Variants in NRDC observed in about 807,000 individuals in gnomAD.
The protein encoded by NRDC is nardilysin convertase, also known as nardilysin.
NRDC carries 54 observed loss-of-function variants against 147.1 expected under a neutral mutation model. The observed-to-expected ratio is 0.37, with a 90% CI of 0.29 to 0.46. The LOEUF (loss-of-function observed/expected upper bound fraction) is 0.46. Among genes scored for constraint, NRDC ranks in the 20% least tolerant of loss-of-function variants. The probability of loss-of-function intolerance (pLI) is 1.00; values close to 1 mark genes in which losing one functional copy is unlikely to be tolerated. For synonymous variants in NRDC, 440 were observed against 482.1 expected (o/e 0.91, Z 1.14); for missense variants, 1,082 against 1,370.6 (o/e 0.79, Z 3.33).
intron 3 of NRDC, among the ~76,000 whole-genome samples, chr1:51,834,927 A>G (rs1036624462): frequency 1.3e-5 from 2 of 152,224 alleles, no homozygotes; most frequent in African/African-American, 4.8e-5. Context: ...GCTACTATAA[A>G]AATTCACAAA....
chr1:51,870,344 C>G (rs1436820549), intron 1 of NRDC, among the ~76,000 whole-genome samples: 1 of 152,204 alleles, frequency 6.6e-6, no homozygotes, highest in Admixed American at 6.5e-5. Flanking sequence ...ACAATTATAA[C>G]TGACTCTTAA....
chr1:51,850,630 T>C (rs1490976871), intron 1 of NRDC, among the ~76,000 whole-genome samples: 1 of 152,242 alleles, frequency 6.6e-6, no homozygotes, highest in African/African-American at 2.4e-5. Flanking sequence ...GAACGTTTGC[T>C]TCCCTACAGA....
intron 4 of NRDC, among the ~76,000 whole-genome samples, chr1:51,832,219 G>A (rs1195310374): frequency 4.6e-5 from 7 of 151,700 alleles, no homozygotes; most frequent in Non-Finnish European, 1.0e-4. Context: ...GCTAATTTTT[G>A]TGTTTTTAGT....
At chr1:51,860,168 C>T (rs1429101932) in intron 1 of NRDC, 2 of 159,280 alleles carry the variant, frequency 1.3e-5, no homozygotes, top group Non-Finnish European at 2.9e-5. Context: ...TTATTTTATT[C>T]ATACAAGATT....
chr1:51,869,919 A>AT (rs1326028729), intron 1 of NRDC, among the ~76,000 whole-genome samples: 4 of 152,140 alleles, frequency 2.6e-5, no homozygotes, highest in Non-Finnish European at 5.9e-5. Flanking sequence ...ACTTAAAAAA[A>AT]TTTTTTTAAG....
At chr1:51,841,650 A>T (rs1681272025) in intron 1 of NRDC, among the ~76,000 whole-genome samples, 1 of 152,206 alleles carries the variant, frequency 6.6e-6, no homozygotes, top group African/African-American at 2.4e-5. Flanking sequence ...ATAAACATTT[A>T]TTTAGCACCC....
chr1:51,848,251 G>A (rs556968501), intron 1 of NRDC, among the ~76,000 whole-genome samples: 24 of 152,266 alleles, frequency 1.6e-4, no homozygotes, highest in Middle Eastern at 3.4e-3. Flanking sequence ...CAAGGCGGGC[G>A]GATCACAAGG....
chr1:51,851,521 G>A (rs998387974), intron 1 of NRDC, among the ~76,000 whole-genome samples: 1 of 150,838 alleles, frequency 6.6e-6, no homozygotes, highest in Admixed American at 6.6e-5. Context: ...TGCAGAATTG[G>A]GCCATTTTTA....
chr1:51,810,084 T>A (rs952757850), intron 16 of NRDC, among the ~76,000 whole-genome samples, 197 bp downstream of exon 16: 1 of 152,152 alleles, frequency 6.6e-6, no homozygotes, highest in Non-Finnish European at 1.5e-5. Flanking sequence ...GATAACAGAA[T>A]TTTTTCACTA....
At chr1:51,875,733 G>T (rs985480868) in intron 1 of NRDC, among the ~76,000 whole-genome samples, 1 of 142,282 alleles carries the variant, frequency 7.0e-6, no homozygotes, top group Non-Finnish European at 1.6e-5. Flanking sequence ...AATTTTTTGT[G>T]TGTAGAGACA....
chr1:51,870,156 T>C lies in NRDC; in HGVS notation c.341+8119A>G, dbSNP rs891827799. Among the ~76,000 whole-genome samples the C allele has an allele frequency of 1.8e-4, 28 of 152,214 alleles. 1 individual carries two copies. The highest frequency in any genetic ancestry group is 6.8e-4 in the African/African-American group (28 of 41,456). On this transcript the variant is annotated intron_variant, in intron 1 of 30. Coordinates refer to ENST00000352171, the MANE Select transcript of NRDC (RefSeq NM_001101662.2). ...ACATTCATACATTCTACAAATATTATTTGAGAACCTAAAATGTACTGGACC... is the reference window on the plus strand; with the variant it reads ...ACATTCATACATTCTACAAATATTACTTGAGAACCTAAAATGTACTGGACC...
At chr1:51,861,473 G>A (rs1047043149) in intron 1 of NRDC, among the ~76,000 whole-genome samples, 1 of 151,524 alleles carries the variant, frequency 6.6e-6, no homozygotes, top group African/African-American at 2.4e-5. Context: ...GGGACTACAG[G>A]TGCATGCCAT....
At position 51,806,671 on chromosome 1, in the gene NRDC, C is replaced by A. The variant is rs1317628127; in HGVS notation, c.2110+123G>T. On this transcript the variant is annotated intron_variant, in intron 18 of 30. Coordinates refer to ENST00000352171, the MANE Select transcript of NRDC (RefSeq NM_001101662.2). The stretch of plus-strand genomic sequence containing the variant: ...GGCATCAAGGTGGCTGATAGAGGCA[C>A]CCAGCCCCAGCCTCCTCCACAAAGG... 4.0e-5 allele frequency: 40 copies of A among 993,696 alleles called. No homozygotes were observed. The Admixed American group carries it at 8.2e-4, about 20-fold the overall frequency. The allele number at this position is 993,696 out of a possible 1,614,324, so 61.6% of individuals were successfully genotyped here.
intron 2 of NRDC, among the ~76,000 whole-genome samples, chr1:51,836,697 T>C (rs867252246): frequency 3.3e-4 from 50 of 152,218 alleles, no homozygotes; most frequent in African/African-American, 1.1e-3. Flanking sequence ...TTTGTTAAGA[T>C]AGAATAAGAT....
chr1:51,816,831 T>C (rs564068701), intron 10 of NRDC, among the ~76,000 whole-genome samples: 164 of 152,238 alleles, frequency 1.1e-3, no homozygotes, highest in Non-Finnish European at 1.9e-3. Context: ...GTTCTAGTTT[T>C]AGTTTTTCCT....
chr1:51,832,885 C>T (rs951639067), intron 4 of NRDC, among the ~76,000 whole-genome samples: 9 of 152,102 alleles, frequency 5.9e-5, no homozygotes, highest in African/African-American at 1.9e-4. Flanking sequence ...ACTCAACTGT[C>T]CAATCATATG....
At chr1:51,830,120 G>A (rs945110891) in intron 4 of NRDC, among the ~76,000 whole-genome samples, 6 of 151,396 alleles carry the variant, frequency 4.0e-5, no homozygotes, top group African/African-American at 7.3e-5. Context: ...ACCCGCCACC[G>A]GACCCGGCTA....
chr1:51,860,286 G>T (rs190176901), intron 1 of NRDC, among the ~76,000 whole-genome samples: 1 of 152,112 alleles, frequency 6.6e-6, no homozygotes, highest in Non-Finnish European at 1.5e-5. Flanking sequence ...TTCCCATTCC[G>T]TAAGTTTTTC....
At chr1:51,859,970 C>A in intron 1 of NRDC, 1 of 188,138 alleles carries the variant, frequency 5.3e-6, no homozygotes. Context: ...TCACTGCTTC[C>A]CTCAGCCATA....
Sources: gnomAD v4.1 joint callset for allele counts (sites outside exome capture counted in the v4.1 genomes callset) on GRCh38, gnomAD v4.1.1 for gene constraint, MANE v1.5 for transcripts, NCBI Gene and HGNC (gene_info 2026-07-23, HGNC 2026-07-21) for gene names.